FBXO42: variants seen among roughly 807,000 people sequenced by gnomAD.
FBXO42 encodes the protein F-box protein 42.
Under a neutral mutation model 71.7 loss-of-function variants are expected in FBXO42, and 12 were observed. The ratio of observed to expected loss-of-function variants is 0.17; its 90% CI spans 0.11 to 0.27. The LOEUF (loss-of-function observed/expected upper bound fraction) is 0.27, where lower values mean the gene tolerates loss of function less well. Among genes scored for constraint, FBXO42 ranks in the 10% least tolerant of loss-of-function variants. FBXO42 has a pLI of 1.00. For synonymous variants in FBXO42, 325 were observed against 327.5 expected (o/e 0.99, Z 0.08); for missense variants, 707 against 911.9 (o/e 0.78, Z 2.89).
At chr1:16,349,583 G>C (rs72638015) in intron 1 of FBXO42, among the ~76,000 whole-genome samples, 1 of 152,144 alleles carries the variant, frequency 6.6e-6, no homozygotes, top group East Asian at 1.9e-4. Context: ...ATTCAGGGCC[G>C]GGCGCAGTGG....
At chr1:16,272,793 A>C (rs556325883) in intron 4 of FBXO42, among the ~76,000 whole-genome samples, 1 of 152,336 alleles carries the variant, frequency 6.6e-6, no homozygotes, top group African/African-American at 2.4e-5. Context: ...TCCTGATGTT[A>C]TAACTTCTAG....
chr1:16,330,066 C>T (rs2082484974), intron 1 of FBXO42, among the ~76,000 whole-genome samples: 1 of 152,232 alleles, frequency 6.6e-6, no homozygotes, highest in Non-Finnish European at 1.5e-5. Context: ...TAACTTGTCT[C>T]CACCTAGGTG....
At chr1:16,303,299 T>A (rs1009809040) in intron 3 of FBXO42, among the ~76,000 whole-genome samples, 1 of 152,172 alleles carries the variant, frequency 6.6e-6, no homozygotes, top group Non-Finnish European at 1.5e-5. Flanking sequence ...CTTGCAGTAT[T>A]TCCCAACAGG....
rs1227014112 is a variant in FBXO42 at position 16,281,681 on chromosome 1, C to T, written c.502+13102G>A. Among the ~76,000 whole-genome samples the T allele has an allele frequency of 4.1e-5, 6 of 145,738 alleles. No individual in the cohort carries two copies. In the East Asian group the frequency reaches 6.1e-4, roughly 15 times the overall value. On this transcript the variant is annotated intron_variant, in intron 4 of 9. Transcript: ENST00000375592. ...TTTTCTTTCTTTTTTTTTTTTGAGA[C>T]GGAGTCTCACTCTGCTGCCCAGGCT... is the stretch of plus-strand genomic sequence containing the variant.
At chr1:16,276,650 T>C (rs1293731396) in intron 4 of FBXO42, among the ~76,000 whole-genome samples, 3 of 152,202 alleles carry the variant, frequency 2.0e-5, no homozygotes, top group Non-Finnish European at 2.9e-5. Flanking sequence ...CTATATAGCA[T>C]TGGAGATATA....
At chr1:16,253,009 T>C in intron 8 of FBXO42, 87 bp downstream of exon 8, 1 of 1,162,762 alleles carries the variant, frequency 8.6e-7, no homozygotes, top group East Asian at 2.4e-5. Flanking sequence ...GAAATAGTCT[T>C]GTATACTCCT....
At chr1:16,305,430 C>A (rs1341065060) in intron 3 of FBXO42, among the ~76,000 whole-genome samples, 5 of 152,024 alleles carry the variant, frequency 3.3e-5, no homozygotes, top group African/African-American at 1.2e-4. Flanking sequence ...AAAATACATG[C>A]CTTGGCTGGG....
intron 1 of FBXO42, among the ~76,000 whole-genome samples, chr1:16,349,632 A>T (rs1291410250): frequency 6.6e-6 from 1 of 152,212 alleles, no homozygotes; most frequent in African/African-American, 2.4e-5. Flanking sequence ...AGGCCAAGGC[A>T]GGTGGATCGC....
In FBXO42 at chr1:16,248,858, C is replaced by G. The variant is rs1328125528; in HGVS notation, c.*1812G>C. The G allele has an allele frequency of 1.3e-5, 2 of 152,270 alleles. No individual in the cohort carries two copies. The highest frequency in any genetic ancestry group is 2.9e-5 in the Non-Finnish European group (2 of 68,068). The allele number at this position is 152,270 out of a possible 1,614,324, so 9.4% of individuals were successfully genotyped here. ...GCAGTTTCTGGAACACATACCCCTC[C>G]CCACAAGCTAGGCTTGGCACCAGGG... is the stretch of plus-strand genomic sequence containing the variant. On this transcript the variant is annotated 3_prime_UTR_variant, in exon 10 of 10. Coordinates refer to ENST00000375592, the MANE Select transcript of FBXO42 (RefSeq NM_018994.3).
At position 16,251,427 on chromosome 1, in the gene FBXO42, C is replaced by T; in HGVS notation, c.1397G>A (p.Ser466Asn). 1 of 1,614,116 alleles carries T rather than the reference C, an allele frequency of 6.2e-7. No homozygotes were observed. Among genetic ancestry groups the T allele is most frequent in the Non-Finnish European group, 8.5e-7 (1 of 1,179,976 alleles). The change falls in exon 10 of 10, where the codon AGT becomes AAT. Residue 466 changes from serine to asparagine, a missense_variant. Transcript: ENST00000375592. This position sits in a 1 kb window ranked among gnomAD's most constrained non-coding sequence, Gnocchi z 4.5. ...GTATCCTTCAGGAGCAGATGGAGTA[C>T]TTGGAGATATGGCCTGTACAGGACT... is the stretch of plus-strand genomic sequence containing the variant. ...LDSPVQAISP[S>N]TPSAPEGYDL... is the part of the protein sequence containing the mutation.
At chr1:16,337,220 C>T (rs56237001) in intron 1 of FBXO42, among the ~76,000 whole-genome samples, 50,787 of 151,794 alleles carry the variant, frequency 0.33, 8,955 homozygotes, top group African/African-American at 0.4. Context: ...CAGTAAGCCT[C>T]GGGTGGAACT....
At chr1:16,260,606 G>A (rs539269567) in intron 4 of FBXO42, among the ~76,000 whole-genome samples, 1 of 152,264 alleles carries the variant, frequency 6.6e-6, no homozygotes, top group South Asian at 2.1e-4. Context: ...TAAGAAACCT[G>A]AGGGCACAAC....
At chr1:16,330,369 T>TA (rs2082489181) in intron 1 of FBXO42, among the ~76,000 whole-genome samples, 1 of 151,792 alleles carries the variant, frequency 6.6e-6, no homozygotes, top group Non-Finnish European at 1.5e-5. Context: ...AAAAAAAATT[T>TA]AAAAATTAGC....
chr1:16,281,357 C>T (rs2081961414), intron 4 of FBXO42, among the ~76,000 whole-genome samples: 1 of 152,322 alleles, frequency 6.6e-6, no homozygotes, highest in East Asian at 1.9e-4. Context: ...CTGGGCGAAC[C>T]AGCACCTCAT....
chr1:16,313,141 G>A (rs1315642387), intron 2 of FBXO42, among the ~76,000 whole-genome samples: 2 of 150,068 alleles, frequency 1.3e-5, no homozygotes, highest in South Asian at 2.1e-4. Context: ...ACCTAAAAGT[G>A]CTCTTTAAAA....
chr1:16,293,591 C>A (rs1429564502), intron 4 of FBXO42: 1 of 152,188 alleles, frequency 6.6e-6, no homozygotes, highest in African/African-American at 2.4e-5. Flanking sequence ...TAATAAAGAA[C>A]TTCATCTACA....
chr1:16,318,608 A>G (rs1371669683), intron 1 of FBXO42, among the ~76,000 whole-genome samples: 8 of 152,200 alleles, frequency 5.3e-5, no homozygotes. Context: ...GTCTGAGGTA[A>G]AACCAGTAAA....
intron 1 of FBXO42, among the ~76,000 whole-genome samples, chr1:16,335,977 G>A (rs1395536596): frequency 6.6e-6 from 1 of 151,892 alleles, no homozygotes; most frequent in Non-Finnish European, 1.5e-5. Flanking sequence ...TGTTGCCCAG[G>A]CTGGAGTACA....
intron 4 of FBXO42, among the ~76,000 whole-genome samples, chr1:16,270,642 C>G (rs1453206129): frequency 1.5e-5 from 2 of 129,194 alleles, no homozygotes; most frequent in Non-Finnish European, 3.1e-5. Context: ...AATTCAAGAC[C>G]AGCCTGAGCA....
Sources: allele counts gnomAD v4.1 joint callset (sites outside exome capture counted in the v4.1 genomes callset), GRCh38; gene constraint gnomAD v4.1.1; non-coding constraint Gnocchi (gnomAD v3.1); transcripts MANE v1.5; gene names NCBI Gene and HGNC (gene_info 2026-07-23, HGNC 2026-07-21).